Variants in DIPK1C observed in about 807,000 individuals in gnomAD.
The protein encoded by DIPK1C is divergent protein kinase domain 1C.
DIPK1C carries 33 observed loss-of-function variants against 28.0 expected under a neutral mutation model. That is an observed-to-expected ratio of 1.18 (90% confidence interval 0.89 to 1.58). DIPK1C has a LOEUF of 1.58. Ranked by LOEUF, DIPK1C falls within the 40% of genes most tolerant of loss-of-function variation. The pLI, the probability that DIPK1C is intolerant of heterozygous loss-of-function variation, is 0.00. For synonymous variants in DIPK1C, 255 were observed against 248.8 expected (o/e 1.02, Z -0.23); for missense variants, 569 against 568.5 (o/e 1.00, Z -0.01).
Position 74,442,123 on chromosome 18 carries a change from T to C in DIPK1C, c.877-7A>G. On this transcript the variant is annotated splice_polypyrimidine_tract_variant and splice_region_variant and intron_variant, in intron 2 of 3. Coordinates refer to ENST00000343998, the MANE Select transcript of DIPK1C (RefSeq NM_001044369.3). ...CCACATCAATAGCCACCACCTGTAA[T>C]CAAAACAGCACGGGGCTATCAAAGG... 1 of 1,613,930 alleles carries C rather than the reference T, an allele frequency of 6.2e-7. No individual in the cohort carries two copies. Among genetic ancestry groups the C allele is most frequent in the Non-Finnish European group, 8.5e-7 (1 of 1,179,932 alleles).
chr18:74,463,204 G>A, the DIPK1C span, among the ~76,000 whole-genome samples: 1 of 152,156 alleles, frequency 6.6e-6, no homozygotes, highest in Non-Finnish European at 1.5e-5. Flanking sequence ...CCTGGGAAGT[G>A]GAAAACTGAA....
intron 3 of DIPK1C, among the ~76,000 whole-genome samples, chr18:74,437,215 G>A (rs1035867359): frequency 6.6e-6 from 1 of 152,194 alleles, no homozygotes; most frequent in African/African-American, 2.4e-5. Flanking sequence ...CAAATGGTGC[G>A]TGAGGGAGAA....
intron 2 of DIPK1C, among the ~76,000 whole-genome samples, chr18:74,442,463 G>A (rs1472396471): frequency 6.6e-6 from 1 of 152,066 alleles, no homozygotes; most frequent in African/African-American, 2.4e-5. Flanking sequence ...AGAGTAGCTG[G>A]GACTACAGGT....
intron 2 of DIPK1C, among the ~76,000 whole-genome samples, 195 bp downstream of exon 2, chr18:74,446,411 T>C (rs917863513): frequency 2.6e-5 from 4 of 152,180 alleles, no homozygotes; most frequent in Non-Finnish European, 5.9e-5. Flanking sequence ...TTCATTCAGA[T>C]TCTCACTGGA....
Position 74,436,529 on chromosome 18 carries a change from A to G in DIPK1C, c.1232T>C (p.Leu411Pro). The change falls in exon 4 of 4, where the codon CTG becomes CCG. Residue 411 changes from leucine to proline, a missense_variant. Physicochemically the swap from Leu to Pro is moderately conservative, Grantham distance 98. Coordinates refer to ENST00000343998, the MANE Select transcript of DIPK1C (RefSeq NM_001044369.3). ...CTTCTCTGCCTCCTGCAGCTCCCTCAGTGTGGCTTGGAGGAGTTGGCGAAG... is the reference window on the plus strand; with the variant it reads ...CTTCTCTGCCTCCTGCAGCTCCCTCGGTGTGGCTTGGAGGAGTTGGCGAAG... Reference protein sequence around the residue: ...WKLRQLLQATLRELQEAEK With the variant: ...WKLRQLLQATPRELQEAEK 1 of 1,606,618 alleles carries G rather than the reference A, an allele frequency of 6.2e-7. No homozygotes were observed. Among genetic ancestry groups the G allele is most frequent in the Non-Finnish European group, 8.5e-7 (1 of 1,177,810 alleles).
At chr18:74,456,952 C>G in intron 1 of DIPK1C, 110 bp downstream of exon 1, 1 of 1,159,598 alleles carries the variant, frequency 8.6e-7, no homozygotes, top group South Asian at 2.2e-5. Flanking sequence ...ACCCATGTCC[C>G]CGGCGGGTGC....
chr18:74,462,174 C>T (rs964106236), upstream of DIPK1C, among the ~76,000 whole-genome samples: 1 of 152,228 alleles, frequency 6.6e-6, no homozygotes, highest in Non-Finnish European at 1.5e-5. Context: ...AGTTCTGCAG[C>T]CATCACCAAC....
At chr18:74,456,472 A>G (rs1986514661) in intron 1 of DIPK1C, among the ~76,000 whole-genome samples, 1 of 152,304 alleles carries the variant, frequency 6.6e-6, no homozygotes, top group East Asian at 1.9e-4. Flanking sequence ...TGCTCGCCCG[A>G]GCGCACACTG....
intron 1 of DIPK1C, among the ~76,000 whole-genome samples, chr18:74,451,483 A>C (rs1986397211): frequency 6.6e-6 from 1 of 152,200 alleles, no homozygotes; most frequent in Non-Finnish European, 1.5e-5. Flanking sequence ...CGTGTTTAAC[A>C]CAAACTGTGC....
At chr18:74,445,736 C>T (rs188915723) in intron 2 of DIPK1C, among the ~76,000 whole-genome samples, 12 of 152,188 alleles carry the variant, frequency 7.9e-5, no homozygotes, top group African/African-American at 2.4e-4. Flanking sequence ...AGAATGAACT[C>T]GTTACAGCAG....
rs937979683 is a variant in DIPK1C, at chr18:74,447,552, C to T, written c.199-269G>A. ...TCAGGACACCTGCGGCCGGGAAGCA[C>T]GACTTCCCATCGTTCAGCTGGGTGA... On this transcript the variant is annotated intron_variant, in intron 1 of 3. Coordinates refer to ENST00000343998, the MANE Select transcript of DIPK1C (RefSeq NM_001044369.3). This position sits in a 1 kb window ranked among gnomAD's most constrained non-coding sequence, Gnocchi z 4.1. Among the ~76,000 whole-genome samples the T allele has an allele frequency of 3.9e-5, 6 of 152,202 alleles. No homozygotes were observed. The highest frequency in any genetic ancestry group is 1.4e-4 in the African/African-American group (6 of 41,454).
chr18:74,442,129 C>T lies in DIPK1C; in HGVS notation c.877-13G>A, dbSNP rs1986142615. ...CAATAGCCACCACCTGTAATCAAAA[C>T]AGCACGGGGCTATCAAAGGGCTACT... On this transcript the variant is annotated splice_polypyrimidine_tract_variant and intron_variant, in intron 2 of 3. Transcript: ENST00000343998. 6.2e-7 allele frequency: 1 copy of T among 1,613,068 alleles called. No homozygotes were observed. The highest frequency in any genetic ancestry group is 1.3e-5 in the African/African-American group (1 of 74,768).
At chr18:74,455,430 A>G (rs142213183) in intron 1 of DIPK1C, among the ~76,000 whole-genome samples, 24 of 152,300 alleles carry the variant, frequency 1.6e-4, no homozygotes, top group African/African-American at 5.3e-4. Flanking sequence ...CAGGGGGGAA[A>G]AATTTATAAA....
At chr18:74,441,659 T>G (rs2144514439) in intron 3 of DIPK1C, among the ~76,000 whole-genome samples, 1 of 152,242 alleles carries the variant, frequency 6.6e-6, no homozygotes. Context: ...CCCATGTTTA[T>G]GAGAGGTTGT....
intron 1 of DIPK1C, among the ~76,000 whole-genome samples, chr18:74,456,631 G>C (rs887867072): frequency 7.9e-5 from 12 of 152,214 alleles, no homozygotes; most frequent in African/African-American, 2.7e-4. Context: ...CTGGGCTGGA[G>C]CGCTGCGGAC....
rs1036744249 is a variant in DIPK1C at position 74,449,247 on chromosome 18, C to T, written c.199-1964G>A. Among the ~76,000 whole-genome samples the T allele has an allele frequency of 1.6e-4, 24 of 152,170 alleles. 1 individual carries two copies. Among genetic ancestry groups the T allele is most frequent in the African/African-American group, 4.1e-4 (17 of 41,436 alleles). ...ATATGTGTTTGACTTGATGTGAATTCGCATACATTTTGCTGTAGAATTATT... is the reference window on the plus strand; with the variant it reads ...ATATGTGTTTGACTTGATGTGAATTTGCATACATTTTGCTGTAGAATTATT... On this transcript the variant is annotated intron_variant, in intron 1 of 3. Coordinates refer to ENST00000343998, the MANE Select transcript of DIPK1C (RefSeq NM_001044369.3).
chr18:74,451,461 TC>T (rs145132940), intron 1 of DIPK1C, among the ~76,000 whole-genome samples: 1,804 of 152,266 alleles, frequency 0.012, 46 homozygotes, highest in African/African-American at 0.041. Context: ...CTGGGCCAGG[TC>T]CCCACAGCAC....
rs1986006999 is a variant in DIPK1C at position 74,436,784 on chromosome 18, C to A, written c.1042-65G>T. 4.2e-6 allele frequency: 6 copies of A among 1,441,146 alleles called. No individual in the cohort carries two copies. In the African/African-American group the frequency reaches 8.5e-5, roughly 20 times the overall value. The allele number at this position is 1,441,146 out of a possible 1,614,324, so 89.3% of individuals were successfully genotyped here. A position where few individuals can be genotyped will look rare whatever the true frequency, so the allele number is the denominator to read the frequency against. Reference sequence around the variant, plus strand: ...AATCCTCCTAAAAGCTTCCCAAGCCCAGGATTGGTTCTGAAACAGATTTCA... The same window carrying A: ...AATCCTCCTAAAAGCTTCCCAAGCCAAGGATTGGTTCTGAAACAGATTTCA... On this transcript the variant is annotated intron_variant, in intron 3 of 3. Coordinates refer to ENST00000343998, the MANE Select transcript of DIPK1C (RefSeq NM_001044369.3).
intron 1 of DIPK1C, among the ~76,000 whole-genome samples, chr18:74,454,953 C>CCCTGGTT (rs1407733771): frequency 6.6e-6 from 1 of 152,162 alleles, no homozygotes; most frequent in Non-Finnish European, 1.5e-5. Context: ...GTGGCAAAGT[C>CCCTGGTT]TGCTCCCCCA....
Sources: gnomAD v4.1 joint callset for allele counts (sites outside exome capture counted in the v4.1 genomes callset) on GRCh38, gnomAD v4.1.1 for gene constraint, Gnocchi (gnomAD v3.1) non-coding constraint, MANE v1.5 for transcripts, NCBI Gene and HGNC (gene_info 2026-07-23, HGNC 2026-07-21) for gene names.